Variants in CSMD3 observed in about 807,000 individuals in gnomAD.
CSMD3 encodes the protein CUB and sushi domain-containing protein 3.
CSMD3 carries 177 observed loss-of-function variants against 435.2 expected under a neutral mutation model. That is an observed-to-expected ratio of 0.41 (90% confidence interval 0.36 to 0.46). CSMD3 has a LOEUF of 0.46. Among genes scored for constraint, CSMD3 ranks in the 20% least tolerant of loss-of-function variants. The pLI is 0.34. For synonymous variants in CSMD3, 1,656 were observed against 1,520.5 expected (o/e 1.09, Z -2.07); for missense variants, 4,265 against 4,504.6 (o/e 0.95, Z 1.52).
chr8:113,136,896 A>G (rs765200423), intron 4 of CSMD3, among the ~76,000 whole-genome samples: 1 of 151,726 alleles, frequency 6.6e-6, no homozygotes, highest in Non-Finnish European at 1.5e-5. Flanking sequence ...AACAACACCC[A>G]TAAGTCAAGC....
At chr8:113,161,239 G>A (rs2092032996) in intron 4 of CSMD3, among the ~76,000 whole-genome samples, 1 of 152,120 alleles carries the variant, frequency 6.6e-6, no homozygotes, top group Non-Finnish European at 1.5e-5. Context: ...AGCATTTTGT[G>A]TAAGAAGAAT....
intron 11 of CSMD3, among the ~76,000 whole-genome samples, chr8:112,845,905 T>C (rs1023584405): frequency 2.0e-5 from 3 of 151,880 alleles, no homozygotes; most frequent in South Asian, 2.1e-4. Flanking sequence ...ATTATTAATA[T>C]AGAGGAACAC....
chr8:112,702,949 C>T (rs1421147034), intron 13 of CSMD3, among the ~76,000 whole-genome samples: 2 of 152,114 alleles, frequency 1.3e-5, no homozygotes, highest in African/African-American at 4.8e-5. Flanking sequence ...GCTCTACCCC[C>T]ACACACCCAG....
chr8:112,324,751 T>G lies in CSMD3; in HGVS notation c.7166-4770A>C, dbSNP rs116993529. ...CCAATGGGAGGCCTTTAAAGAGATT[T>G]AAGTTGGAGGGGAATGTGGTCAGAT... On this transcript the variant is annotated intron_variant, in intron 45 of 70. Transcript: ENST00000297405. 5.9e-5 allele frequency among the ~76,000 whole-genome samples: 9 copies of G among 152,178 alleles called. No individual in the cohort carries two copies. The East Asian group carries it at 1.5e-3, about 26-fold the overall frequency.
In CSMD3 at chr8:113,408,632, G is replaced by A. The variant is rs182301136; in HGVS notation, c.178+28045C>T. 1.3e-4 allele frequency among the ~76,000 whole-genome samples: 20 copies of A among 151,352 alleles called. No individual in the cohort carries two copies. The East Asian group carries it at 3.7e-3, about 28-fold the overall frequency. Reference sequence around the variant, plus strand: ...AAGAAGCATGCGCACAGTTACAATAGTTACATTTCCACGTGACAAGGAGTT... The same window carrying A: ...AAGAAGCATGCGCACAGTTACAATAATTACATTTCCACGTGACAAGGAGTT... On this transcript the variant is annotated intron_variant, in intron 1 of 70. Transcript: ENST00000297405.
Position 113,098,780 on chromosome 8 carries a change from T to C in CSMD3, c.893A>G (p.Glu298Gly). The C allele has an allele frequency of 1.9e-6, 3 of 1,611,712 alleles. No homozygotes were observed. The highest frequency in any genetic ancestry group is 1.3e-5 in the African/African-American group (1 of 74,990). The change falls in exon 5 of 71, where the codon GAA becomes GGA. Residue 298 changes from glutamate to glycine, a missense_variant. Physicochemically the swap from Glu to Gly is moderately conservative, Grantham distance 98. Coordinates refer to ENST00000297405, the MANE Select transcript of CSMD3 (RefSeq NM_198123.2). Reference sequence around the variant, plus strand: ...CCATATGGTAGGTGGCTCAGAACCTTCTATTTCTAAGTAATCATATTTCTC... The same window carrying C: ...CCATATGGTAGGTGGCTCAGAACCTCCTATTTCTAAGTAATCATATTTCTC... ...MEEKYDYLEI[E>G]GSEPPTIWLS...
At chr8:112,323,180 T>C (rs1041358685) in intron 45 of CSMD3, among the ~76,000 whole-genome samples, 2 of 130,484 alleles carry the variant, frequency 1.5e-5, no homozygotes, top group Admixed American at 7.3e-5. Context: ...AACAAACCTC[T>C]TTTCATCTGT....
At chr8:112,555,072 A>G (rs1176638486) in intron 25 of CSMD3, among the ~76,000 whole-genome samples, 1 of 151,934 alleles carries the variant, frequency 6.6e-6, no homozygotes, top group Non-Finnish European at 1.5e-5. Context: ...TAGCTGCTAA[A>G]TTTATTTGAT....
In CSMD3 at chr8:112,234,383, A is replaced by G. The variant is rs1251327403; in HGVS notation, c.10722T>C (p.Asn3574=). 6.2e-7 allele frequency: 1 copy of G among 1,610,050 alleles called. No homozygotes were observed. The highest frequency in any genetic ancestry group is 1.7e-5 in the Admixed American group (1 of 59,984). The change falls in exon 68 of 71, where the codon AAT becomes AAC. Residue 3574 remains asparagine (N), a synonymous_variant. Transcript: ENST00000297405. Reference sequence around the variant, plus strand: ...TACTTACAAAGCCATCCATTGCCCAATTTTCTTCCTTCATTTTCTTCACAG... The same window carrying G: ...TACTTACAAAGCCATCCATTGCCCAGTTTTCTTCCTTCATTTTCTTCACAG... ...HASVKKMKEE[N]WAMDGFVSAE...
chr8:113,209,319 T>C (rs536117687), intron 3 of CSMD3, among the ~76,000 whole-genome samples: 3 of 152,284 alleles, frequency 2.0e-5, no homozygotes, highest in East Asian at 3.9e-4. Context: ...CATTTATAAA[T>C]AATTTAGTAA....
intron 24 of CSMD3, among the ~76,000 whole-genome samples, chr8:112,563,739 C>T (rs145313328): frequency 6.6e-6 from 1 of 151,948 alleles, no homozygotes; most frequent in African/African-American, 2.4e-5. Context: ...TTTACATTCC[C>T]CAAAGTTTAT....
intron 10 of CSMD3, among the ~76,000 whole-genome samples, chr8:112,859,760 A>T (rs1055304551): frequency 6.6e-6 from 1 of 151,754 alleles, no homozygotes; most frequent in Non-Finnish European, 1.5e-5. Context: ...TAAAAAAAAA[A>T]GCAGTTACAT....
chr8:113,051,886 T>C (rs961040806), intron 5 of CSMD3, among the ~76,000 whole-genome samples: 1 of 152,106 alleles, frequency 6.6e-6, no homozygotes, highest in Non-Finnish European at 1.5e-5. Context: ...AGATGATATG[T>C]CAATAACAAA....
At chr8:113,208,404 C>T (rs986788540) in intron 3 of CSMD3, among the ~76,000 whole-genome samples, 5 of 152,044 alleles carry the variant, frequency 3.3e-5, no homozygotes, top group Admixed American at 3.3e-4. Flanking sequence ...CAAAAAGCAC[C>T]TACTCTGTAG....
chr8:112,766,530 T>C lies in CSMD3; in HGVS notation c.1972+33632A>G, dbSNP rs2077983734. Among the ~76,000 whole-genome samples the C allele has an allele frequency of 2.6e-5, 4 of 152,010 alleles. No homozygotes were observed. In the South Asian group the frequency reaches 6.2e-4, roughly 24 times the overall value. On this transcript the variant is annotated intron_variant, in intron 13 of 70. Transcript: ENST00000297405. ...AGTTACTGCTATAGATAAAGATGTCTCAGCAACTCATACCTGAGAAGATTT... is the reference window on the plus strand; with the variant it reads ...AGTTACTGCTATAGATAAAGATGTCCCAGCAACTCATACCTGAGAAGATTT...
chr8:113,324,245 A>G (rs774315178), intron 1 of CSMD3, among the ~76,000 whole-genome samples: 23 of 152,330 alleles, frequency 1.5e-4, no homozygotes, highest in Non-Finnish European at 2.8e-4. Flanking sequence ...TGAATCCTCA[A>G]CATAGTGGGG....
At chr8:113,257,064 A>G (rs1414065895) in intron 3 of CSMD3, among the ~76,000 whole-genome samples, 1 of 152,120 alleles carries the variant, frequency 6.6e-6, no homozygotes, top group Non-Finnish European at 1.5e-5. Context: ...TCTATCTACT[A>G]CCATGGGCTG....
intron 50 of CSMD3, among the ~76,000 whole-genome samples, chr8:112,308,695 A>AG (rs912583091): frequency 2.0e-5 from 3 of 152,064 alleles, no homozygotes; most frequent in Non-Finnish European, 4.4e-5. Context: ...TCAATTTTTG[A>AG]GGGGGGGATC....
chr8:113,077,353 A>G (rs2089384724), intron 5 of CSMD3, among the ~76,000 whole-genome samples: 1 of 152,142 alleles, frequency 6.6e-6, no homozygotes, highest in Admixed American at 6.5e-5. Context: ...GCAAAAAAAA[A>G]ATAAAATTAA....
Sources: allele counts gnomAD v4.1 joint callset (sites outside exome capture counted in the v4.1 genomes callset), GRCh38; gene constraint gnomAD v4.1.1; transcripts MANE v1.5; gene names NCBI Gene and HGNC (gene_info 2026-07-23, HGNC 2026-07-21).